Variants in NRG1 observed in about 807,000 individuals in gnomAD.
NRG1 encodes neuregulin 1, also known as pro-neuregulin-1, membrane-bound isoform.
Under a neutral mutation model 63.8 loss-of-function variants are expected in NRG1, and 18 were observed. The ratio of observed to expected loss-of-function variants is 0.28; its 90% CI spans 0.19 to 0.42. The LOEUF is 0.42. NRG1 is among the 10% of genes least tolerant of loss of function. The pLI is 1.00. For synonymous variants in NRG1, 302 were observed against 301.3 expected (o/e 1.00, Z -0.02); for missense variants, 762 against 814.7 (o/e 0.94, Z 0.79).
chr8:31,719,615 A>G (rs1365852817), intron 1 of NRG1, among the ~76,000 whole-genome samples: 1 of 152,180 alleles, frequency 6.6e-6, no homozygotes, highest in African/African-American at 2.4e-5. Flanking sequence ...TTACTTTAGA[A>G]AGGTCATTTT....
chr8:32,433,822 C>A (rs1818462590), intron 1 of NRG1, among the ~76,000 whole-genome samples: 1 of 152,112 alleles, frequency 6.6e-6, no homozygotes, highest in Non-Finnish European at 1.5e-5. Context: ...TTTCTCATAG[C>A]ATAAATATTT....
chr8:32,057,609 T>C (rs956533597), intron 1 of NRG1, among the ~76,000 whole-genome samples: 4 of 152,180 alleles, frequency 2.6e-5, no homozygotes, highest in Admixed American at 1.3e-4. Flanking sequence ...CCATGTTTTG[T>C]AAACTTTTAA....
intron 1 of NRG1, among the ~76,000 whole-genome samples, chr8:31,835,831 G>A (rs966784226): frequency 6.6e-6 from 1 of 152,092 alleles, no homozygotes; most frequent in African/African-American, 2.4e-5. Context: ...AGACTGTGCT[G>A]TTCAGTAGAA....
intron 1 of NRG1, among the ~76,000 whole-genome samples, chr8:32,016,258 T>C (rs1815521095): frequency 6.6e-6 from 1 of 152,128 alleles, no homozygotes; most frequent in South Asian, 2.1e-4. Flanking sequence ...AGATGGGGTC[T>C]TGCTATGTTG....
chr8:32,686,776 G>A (rs934222869), intron 5 of NRG1, among the ~76,000 whole-genome samples: 6 of 152,228 alleles, frequency 3.9e-5, no homozygotes, highest in African/African-American at 1.4e-4. Context: ...CCTGTTCTGT[G>A]CCTGAGAATG....
Position 32,617,928 on chromosome 8 carries a change from T to C in NRG1, c.502+1043T>C, listed in dbSNP as rs186171507. On this transcript the variant is annotated intron_variant, in intron 5 of 11. Coordinates refer to ENST00000356819, the Ensembl canonical transcript of NRG1. ...AACTATATGGTATAAAATTATCTTT[T>C]ATTGTGTGAAGTATGGTGTTTTGGC... Among the ~76,000 whole-genome samples, 4 of 152,290 alleles carry C rather than the reference T, an allele frequency of 2.6e-5. No homozygotes were observed. In the East Asian group the frequency reaches 7.7e-4, roughly 29 times the overall value.
intron 1 of NRG1, among the ~76,000 whole-genome samples, chr8:31,648,539 T>C (rs1804530005): frequency 6.6e-6 from 1 of 152,164 alleles, no homozygotes; most frequent in South Asian, 2.1e-4. Flanking sequence ...ACCAAGACTC[T>C]ATACCAATTA....
At chr8:31,806,489 A>T (rs898537177) in intron 1 of NRG1, among the ~76,000 whole-genome samples, 10 of 152,054 alleles carry the variant, frequency 6.6e-5, no homozygotes, top group African/African-American at 1.4e-4. Context: ...ATGTGAAATT[A>T]AAAAAAACTG....
At chr8:31,694,734 G>T (rs868641189) in intron 1 of NRG1, among the ~76,000 whole-genome samples, 14 of 152,258 alleles carry the variant, frequency 9.2e-5, no homozygotes, top group Middle Eastern at 3.4e-3. Flanking sequence ...AGGCTAGGGG[G>T]CTACAATTCT....
exon 12 of NRG1, chr8:32,763,828 C>T (rs767284530): frequency 1.4e-5 from 23 of 1,611,946 alleles, no homozygotes; most frequent in South Asian, 6.6e-5. Context: ...TCGCCCCCTT[C>T]GGAAATGTCT....
chr8:32,002,959 C>T (rs1218144865), intron 1 of NRG1, among the ~76,000 whole-genome samples: 1 of 152,048 alleles, frequency 6.6e-6, no homozygotes, highest in Non-Finnish European at 1.5e-5. Flanking sequence ...TATCCATTCA[C>T]ATAATTATTA....
At chr8:32,063,963 A>C (rs1586833440) in intron 1 of NRG1, among the ~76,000 whole-genome samples, 1 of 152,028 alleles carries the variant, frequency 6.6e-6, no homozygotes. Flanking sequence ...GGGCAGGGAG[A>C]ATGTGGACCT....
intron 1 of NRG1, among the ~76,000 whole-genome samples, chr8:32,326,311 T>C (rs191512161): frequency 0.022 from 3,289 of 146,958 alleles, 39 homozygotes; most frequent in Non-Finnish European, 0.035. Context: ...CCCAGGCTTT[T>C]TTTTTTTTTT....
chr8:32,445,962 A>G (rs1820185224), intron 1 of NRG1, among the ~76,000 whole-genome samples: 2 of 152,038 alleles, frequency 1.3e-5, no homozygotes, highest in African/African-American at 2.4e-5. Flanking sequence ...TTCCTTCTAT[A>G]TGGTTAACAA....
chr8:32,232,916 T>G (rs1847110547), intron 1 of NRG1, among the ~76,000 whole-genome samples: 1 of 152,204 alleles, frequency 6.6e-6, no homozygotes, highest in African/African-American at 2.4e-5. Flanking sequence ...CATTATCATT[T>G]CTACTCTTAT....
intron 1 of NRG1, among the ~76,000 whole-genome samples, chr8:32,106,626 C>A (rs1032092160): frequency 1.3e-5 from 2 of 152,104 alleles, no homozygotes; most frequent in African/African-American, 2.4e-5. Flanking sequence ...TTACAGAGAT[C>A]TCTTTGGTAA....
intron 1 of NRG1, among the ~76,000 whole-genome samples, chr8:32,370,448 T>C (rs1328677360): frequency 6.6e-6 from 1 of 152,140 alleles, no homozygotes; most frequent in Non-Finnish European, 1.5e-5. Flanking sequence ...TACAAAAGCA[T>C]TGAAAAAGGA....
chr8:32,186,211 T>A (rs1470166795), intron 1 of NRG1, among the ~76,000 whole-genome samples: 2 of 152,108 alleles, frequency 1.3e-5, no homozygotes, highest in African/African-American at 4.8e-5. Context: ...ACGCCTGTAA[T>A]CCCAACACTT....
chr8:32,523,800 G>T (rs1199698993), intron 1 of NRG1, among the ~76,000 whole-genome samples: 1 of 152,012 alleles, frequency 6.6e-6, no homozygotes. Context: ...GCGAGATCAT[G>T]CCACTGCACT....
Sources: gnomAD v4.1 joint callset for allele counts (sites outside exome capture counted in the v4.1 genomes callset) on GRCh38, gnomAD v4.1.1 for gene constraint, MANE v1.5 for transcripts, NCBI Gene and HGNC (gene_info 2026-07-23, HGNC 2026-07-21) for gene names.